Variants in GPA33 observed in about 807,000 individuals in gnomAD.
GPA33 encodes the protein cell surface A33 antigen.
Under a neutral mutation model 35.6 loss-of-function variants are expected in GPA33, and 27 were observed. The observed-to-expected ratio is 0.76, with a 90% CI of 0.56 to 1.04. The LOEUF (loss-of-function observed/expected upper bound fraction) is 1.04, where lower values mean the gene tolerates loss of function less well. GPA33 is among the 50% of genes least tolerant of loss of function. The pLI, the probability that GPA33 is intolerant of heterozygous loss-of-function variation, is 0.00. For synonymous variants in GPA33, 176 were observed against 164.0 expected, an observed-to-expected ratio of 1.07 and a Z score of -0.56; for missense variants, 428 against 411.9, an observed-to-expected ratio of 1.04 and a Z score of -0.34.
At chr1:167,067,348 C>T (rs1002364581) in intron 3 of GPA33, among the ~76,000 whole-genome samples, 2 of 151,834 alleles carry the variant, frequency 1.3e-5, no homozygotes, top group East Asian at 1.9e-4. Flanking sequence ...GGCTGGTCTC[C>T]GCCTCGGCCT....
chr1:167,062,706 G>A (rs1215214137), intron 4 of GPA33, among the ~76,000 whole-genome samples: 1 of 126,130 alleles, frequency 7.9e-6, no homozygotes, highest in Non-Finnish European at 1.6e-5. Flanking sequence ...AAGCTGCCCA[G>A]TACAAAACTG....
chr1:167,059,316 G>T (rs1421482136), intron 4 of GPA33, among the ~76,000 whole-genome samples: 3 of 152,114 alleles, frequency 2.0e-5, no homozygotes, highest in East Asian at 1.9e-4. Flanking sequence ...TAATGTTTCC[G>T]CTGCAGTGGC....
chr1:167,054,603 G>A, intron 6 of GPA33, 137 bp from the exon 7 acceptor site: 1 of 1,060,156 alleles, frequency 9.4e-7, no homozygotes, highest in Non-Finnish European at 1.4e-6. Context: ...ACACTGGGCT[G>A]AAAGGCTGGG....
chr1:167,084,619 C>G (rs574487085), intron 1 of GPA33, among the ~76,000 whole-genome samples: 63 of 152,232 alleles, frequency 4.1e-4, no homozygotes, highest in African/African-American at 1.4e-3. Context: ...TGAATCCAGC[C>G]ATCATGTTAT....
chr1:167,083,467 G>A (rs1432700823), intron 1 of GPA33, among the ~76,000 whole-genome samples: 4 of 152,194 alleles, frequency 2.6e-5, no homozygotes, highest in Admixed American at 1.3e-4. Context: ...TCCAGCAAAC[G>A]GCTGCTGGGT....
At chr1:167,067,284 ATTTATTTATT>A (rs1418982257) in intron 3 of GPA33, among the ~76,000 whole-genome samples, 19 of 150,974 alleles carry the variant, frequency 1.3e-4, no homozygotes, top group Admixed American at 2.6e-4. Flanking sequence ...CAATTTATTT[ATTTATTTATT>A]TATTTATTTA....
intron 2 of GPA33, among the ~76,000 whole-genome samples, chr1:167,071,733 T>C (rs975818557): frequency 3.9e-5 from 6 of 152,060 alleles, no homozygotes; most frequent in Admixed American, 2.0e-4. Context: ...CCTCCTCCCA[T>C]CAAAGATATC....
chr1:167,069,765 A>G (rs150200293), intron 2 of GPA33, among the ~76,000 whole-genome samples: 1 of 152,230 alleles, frequency 6.6e-6, no homozygotes, highest in African/African-American at 2.4e-5. Flanking sequence ...TATTCTGCAA[A>G]ATGGAGATGA....
intron 1 of GPA33, chr1:167,082,321 A>G (rs1288061056): frequency 2.2e-6 from 1 of 456,198 alleles, no homozygotes; most frequent in Non-Finnish European, 4.4e-6. Context: ...TCTGCAACAA[A>G]CATACAGCCC....
At chr1:167,070,575 C>T (rs145956573) in intron 2 of GPA33, among the ~76,000 whole-genome samples, 137 of 152,236 alleles carry the variant, frequency 9.0e-4, no homozygotes, top group African/African-American at 3.1e-3. Context: ...AGGTCTCAGA[C>T]ATCGTGTATA....
intron 1 of GPA33, among the ~76,000 whole-genome samples, chr1:167,079,498 A>G (rs866050123): frequency 1.0e-3 from 154 of 152,130 alleles, no homozygotes; most frequent in Non-Finnish European, 1.5e-3. Context: ...AAAAAAAAAA[A>G]AAAGAAAAAA....
intron 5 of GPA33, among the ~76,000 whole-genome samples, 183 bp from the exon 6 acceptor site, chr1:167,055,294 T>C (rs892672821): frequency 1.2e-4 from 18 of 152,162 alleles, no homozygotes; most frequent in African/African-American, 4.3e-4. Flanking sequence ...CAGAGACATA[T>C]GGTCCACTTC....
At chr1:167,062,247 G>C (rs973466403) in intron 4 of GPA33, among the ~76,000 whole-genome samples, 2 of 150,796 alleles carry the variant, frequency 1.3e-5, no homozygotes, top group Non-Finnish European at 3.0e-5. Flanking sequence ...GCAGGGTCTC[G>C]CTCTGTCACC....
intron 2 of GPA33, among the ~76,000 whole-genome samples, chr1:167,071,982 T>C (rs1368746537): frequency 6.6e-6 from 1 of 152,096 alleles, no homozygotes; most frequent in Non-Finnish European, 1.5e-5. Flanking sequence ...GCTAAATAAG[T>C]ATGATGGCAA....
chr1:167,078,266 C>G (rs1298426171), intron 1 of GPA33, among the ~76,000 whole-genome samples: 2 of 152,220 alleles, frequency 1.3e-5, no homozygotes, highest in African/African-American at 2.4e-5. Context: ...TAGATGCCCA[C>G]AAAGTCATCT....
intron 4 of GPA33, 123 bp from the exon 5 acceptor site, chr1:167,055,972 C>T (rs1158954349): frequency 1.1e-6 from 1 of 931,084 alleles, no homozygotes; most frequent in South Asian, 1.5e-5. Context: ...CAGGCCGGAG[C>T]CCCATGTCCA....
At chr1:167,082,662 AC>A (rs767091862) in intron 1 of GPA33, among the ~76,000 whole-genome samples, 1 of 152,176 alleles carries the variant, frequency 6.6e-6, no homozygotes, top group Admixed American at 6.5e-5. Flanking sequence ...GGCAAGTGTC[AC>A]CTGTTCCCCA....
chr1:167,054,296 C>A lies in GPA33; in HGVS notation c.*38G>T, dbSNP rs1260547954. On this transcript the variant is annotated 3_prime_UTR_variant, in exon 7 of 7. Coordinates refer to ENST00000367868, the MANE Select transcript of GPA33 (RefSeq NM_005814.3). ...GAGGCCAGGAAGCGGGAGAATGAAC[C>A]CCTAACCCTTCCTCCGCCGCCCTCT... 1 of 1,612,126 alleles carries A rather than the reference C, an allele frequency of 6.2e-7. No individual in the cohort carries two copies. Among genetic ancestry groups the A allele is most frequent in the Non-Finnish European group, 8.5e-7 (1 of 1,179,318 alleles).
chr1:167,071,123 A>T (rs549941309), intron 2 of GPA33, among the ~76,000 whole-genome samples: 27 of 152,060 alleles, frequency 1.8e-4, no homozygotes, highest in African/African-American at 6.3e-4. Flanking sequence ...GCCACCCGGG[A>T]TAAATAAGTA....
Sources: gnomAD v4.1 joint callset for allele counts (sites outside exome capture counted in the v4.1 genomes callset) on GRCh38, gnomAD v4.1.1 for gene constraint, MANE v1.5 for transcripts, NCBI Gene and HGNC (gene_info 2026-07-23, HGNC 2026-07-21) for gene names.